The following COL5A1 variants were observed in gnomAD, a reference collection of about 807,000 sequenced individuals.
COL5A1 encodes collagen type V alpha 1 chain.
COL5A1 carries 16 observed loss-of-function variants against 263.7 expected under a neutral mutation model. The observed-to-expected ratio is 0.06, with a 90% CI of 0.04 to 0.09. The LOEUF is 0.09. Among genes scored for constraint, COL5A1 ranks in the 10% least tolerant of loss-of-function variants. The pLI is 1.00. For synonymous variants in COL5A1, 1,012 were observed against 1,004.5 expected, an observed-to-expected ratio of 1.01 and a Z score of -0.14; for missense variants, 2,036 against 2,540.5, an observed-to-expected ratio of 0.80 and a Z score of 4.27.
chr9:134,756,248 C>T (rs181075092), intron 16 of COL5A1, among the ~76,000 whole-genome samples: 5 of 152,336 alleles, frequency 3.3e-5, no homozygotes, highest in Admixed American at 6.5e-5. Context: ...TGCCTCCCGT[C>T]GCTGTGTGGT....
intron 1 of COL5A1, among the ~76,000 whole-genome samples, chr9:134,669,098 A>G (rs1832448584): frequency 6.7e-6 from 1 of 150,276 alleles, no homozygotes; most frequent in South Asian, 2.1e-4. Context: ...TCACCCATTG[A>G]TCCAGACCAT....
chr9:134,729,756 G>A (rs1834806762), intron 6 of COL5A1, among the ~76,000 whole-genome samples: 1 of 12,956 alleles, frequency 7.7e-5, no homozygotes, highest in Non-Finnish European at 1.6e-4. Context: ...GTGAGCGTGT[G>A]TGCATGCGGG....
chr9:134,722,350 C>G (rs1211909174), intron 4 of COL5A1, among the ~76,000 whole-genome samples: 1 of 152,204 alleles, frequency 6.6e-6, no homozygotes, highest in African/African-American at 2.4e-5. Flanking sequence ...CGTGGGTGTT[C>G]GTTACCTAGC....
chr9:134,811,974 T>C (rs529437245), intron 46 of COL5A1, among the ~76,000 whole-genome samples: 1 of 152,342 alleles, frequency 6.6e-6, no homozygotes, highest in South Asian at 2.1e-4. Flanking sequence ...GTAATTGTAT[T>C]TGGTGTTTGA....
intron 65 of COL5A1, among the ~76,000 whole-genome samples, chr9:134,840,578 G>A (rs1233898716): frequency 6.6e-6 from 1 of 152,224 alleles, no homozygotes; most frequent in East Asian, 1.9e-4. Flanking sequence ...CCTGGGAGAG[G>A]TGCAGCTGGC....
At chr9:134,791,587 G>A (rs1369538039) in intron 32 of COL5A1, among the ~76,000 whole-genome samples, 1 of 151,804 alleles carries the variant, frequency 6.6e-6, no homozygotes, top group Non-Finnish European at 1.5e-5. Context: ...AGGAAGCTGA[G>A]GGCTGGGCTG....
rs1834284671 is a variant in COL5A1 at position 134,716,971 on chromosome 9, A to C, written c.655-10295A>C. On this transcript the variant is annotated intron_variant, in intron 4 of 65. Transcript: ENST00000371817. The surrounding 1 kb of genome is among the most constrained non-coding windows in gnomAD (Gnocchi z 4.5). ...ATATTTCTCTGACACTCTCGTTAAT[A>C]GTGTGAAACTCGTTCTCACAGGTGC... is the stretch of plus-strand genomic sequence containing the variant. 2.0e-5 allele frequency among the ~76,000 whole-genome samples: 3 copies of C among 152,034 alleles called. No individual in the cohort carries two copies. The highest frequency in any genetic ancestry group is 2.0e-4 in the Admixed American group (3 of 15,280).
At chr9:134,834,866 C>T (rs1588615191) in intron 64 of COL5A1, 105 bp from the exon 65 acceptor site, 1 of 835,790 alleles carries the variant, frequency 1.2e-6, no homozygotes, top group Non-Finnish European at 2.0e-6. Context: ...GGTAGTTCCC[C>T]CGAGAAGACC....
intron 4 of COL5A1, among the ~76,000 whole-genome samples, chr9:134,707,475 G>T (rs937950243): frequency 3.3e-5 from 5 of 150,900 alleles, no homozygotes; most frequent in Non-Finnish European, 7.4e-5. Flanking sequence ...CACTCTCCCC[G>T]GGGCAGGAGT....
chr9:134,792,253 G>A (rs904559210), intron 32 of COL5A1, among the ~76,000 whole-genome samples: 3 of 152,232 alleles, frequency 2.0e-5, no homozygotes, highest in African/African-American at 7.2e-5. Context: ...AGGGGGAATG[G>A]CACTGAAGAT....
chr9:134,666,845 G>T (rs148242055), intron 1 of COL5A1, among the ~76,000 whole-genome samples: 258 of 152,240 alleles, frequency 1.7e-3, no homozygotes, highest in African/African-American at 6.0e-3. Flanking sequence ...TGTGCGATAG[G>T]GTAAAACATT....
chr9:134,675,347 G>A (rs1182394292), intron 1 of COL5A1, among the ~76,000 whole-genome samples: 1 of 151,240 alleles, frequency 6.6e-6, no homozygotes, highest in Non-Finnish European at 1.5e-5. Flanking sequence ...GCCAAAAATT[G>A]GTCACTTAAA....
chr9:134,843,155 CT>C lies in COL5A1; in HGVS notation c.*865del, dbSNP rs57599653. 11,221 of 108,274 alleles carry C rather than the reference CT, an allele frequency of 0.1. 601 individuals are homozygous for C. Among genetic ancestry groups the C allele is most frequent in the East Asian group, 0.22 (935 of 4,266 alleles). The allele number at this position is 108,274 out of a possible 1,614,324, so 6.7% of individuals were successfully genotyped here. On this transcript the variant is annotated 3_prime_UTR_variant, in exon 66 of 66. Transcript: ENST00000371817. ...CAGACAGTTTTTGATTCGCTCTAGA[CT>C]TTTTTTTTTTTTAATAGGGAAAAAA...
At chr9:134,828,730 C>T (rs546837606) in intron 63 of COL5A1, among the ~76,000 whole-genome samples, 155 of 8,046 alleles carry the variant, frequency 0.019, no homozygotes, top group African/African-American at 0.067. Flanking sequence ...ACACATCAGA[C>T]ACACAGATAC....
chr9:134,725,103 C>T (rs1019687294), intron 4 of COL5A1, among the ~76,000 whole-genome samples: 1 of 152,168 alleles, frequency 6.6e-6, no homozygotes, highest in African/African-American at 2.4e-5. Flanking sequence ...TCTCTGGTGG[C>T]GGGACCGGAG....
At chr9:134,825,960 A>G in intron 63 of COL5A1, 56 bp downstream of exon 63, 1 of 1,139,494 alleles carries the variant, frequency 8.8e-7, no homozygotes, top group Non-Finnish European at 1.3e-6. Flanking sequence ...AGACAGGGCC[A>G]TGCCGAGGGC....
chr9:134,828,997 C>T (rs1044163668), intron 63 of COL5A1, among the ~76,000 whole-genome samples: 16 of 151,210 alleles, frequency 1.1e-4, no homozygotes, highest in Admixed American at 4.6e-4. Context: ...ACCATGCACG[C>T]GCACACACAC....
chr9:134,811,799 A>G (rs1311553704), intron 46 of COL5A1, among the ~76,000 whole-genome samples, 200 bp downstream of exon 46: 1 of 152,228 alleles, frequency 6.6e-6, no homozygotes, highest in Non-Finnish European at 1.5e-5. Flanking sequence ...ACACTTCAGC[A>G]GTGGCATTTA....
intron 25 of COL5A1, among the ~76,000 whole-genome samples, chr9:134,772,505 G>T (rs1355680874): frequency 6.6e-6 from 1 of 152,212 alleles, no homozygotes; most frequent in South Asian, 2.1e-4. Flanking sequence ...GGGGGTTGCT[G>T]CATACTCCCC....
Sources: gnomAD v4.1 joint callset for allele counts (sites outside exome capture counted in the v4.1 genomes callset) on GRCh38, gnomAD v4.1.1 for gene constraint, Gnocchi (gnomAD v3.1) non-coding constraint, MANE v1.5 for transcripts, NCBI Gene and HGNC (gene_info 2026-07-23, HGNC 2026-07-21) for gene names.